SPRED2: variants seen among roughly 807,000 people sequenced by gnomAD.
SPRED2 encodes sprouty related EVH1 domain containing 2.
Under a neutral mutation model 43.0 loss-of-function variants are expected in SPRED2, and 47 were observed. That is an observed-to-expected ratio of 1.09 (90% CI 0.87 to 1.40). The LOEUF (loss-of-function observed/expected upper bound fraction) is 1.40, where lower values mean the gene tolerates loss of function less well. SPRED2 is among the 40% of genes most tolerant of loss of function. The pLI is 0.00. For missense variants in SPRED2, 561 were observed against 586.4 expected (o/e 0.96, Z 0.45); for synonymous variants, 225 against 225.7 (o/e 1.00, Z 0.03).
intron 1 of SPRED2, among the ~76,000 whole-genome samples, chr2:65,407,241 G>C (rs1260598077): frequency 4.5e-5 from 2 of 44,710 alleles, no homozygotes; most frequent in Non-Finnish European, 8.7e-5. Context: ...TGGGGCGCTG[G>C]CTCCTTTTTT....
chr2:65,348,696 C>T (rs542712907), intron 1 of SPRED2, among the ~76,000 whole-genome samples: 2 of 151,040 alleles, frequency 1.3e-5, no homozygotes, highest in South Asian at 4.2e-4. Flanking sequence ...CCCAGTTACT[C>T]GGGAGGATGA....
chr2:65,382,492 G>A (rs1026188595), intron 1 of SPRED2, among the ~76,000 whole-genome samples: 9 of 152,180 alleles, frequency 5.9e-5, no homozygotes, highest in Non-Finnish European at 1.2e-4. Flanking sequence ...GAGCCTCTGG[G>A]AATGTACTGG....
intron 1 of SPRED2, among the ~76,000 whole-genome samples, chr2:65,360,556 A>G (rs1237794726): frequency 2.0e-5 from 3 of 152,250 alleles, no homozygotes; most frequent in Non-Finnish European, 2.9e-5. Context: ...TGCTAAGTGA[A>G]ACGTCAGTCA....
At chr2:65,389,406 A>G (rs878998518) in intron 1 of SPRED2, among the ~76,000 whole-genome samples, 2 of 152,174 alleles carry the variant, frequency 1.3e-5, no homozygotes, top group Admixed American at 1.3e-4. Context: ...TGGGGGAGGA[A>G]GGAGGGTGAC....
At chr2:65,386,304 AG>A (rs143706279) in intron 1 of SPRED2, among the ~76,000 whole-genome samples, 42,547 of 114,210 alleles carry the variant, frequency 0.37, 10,482 homozygotes, top group African/African-American at 0.49. Flanking sequence ...AAAAAAAAAA[AG>A]AAAGCACTGG....
chr2:65,344,179 G>C (rs1674273160), intron 2 of SPRED2: 1 of 151,790 alleles, frequency 6.6e-6, no homozygotes, highest in Admixed American at 6.4e-5. Context: ...AACCCACAAA[G>C]TATGATACCA....
chr2:65,392,235 A>T (rs571965720), intron 1 of SPRED2, among the ~76,000 whole-genome samples: 1 of 136,212 alleles, frequency 7.3e-6, no homozygotes, highest in South Asian at 2.2e-4. Flanking sequence ...ACTGGAGTGC[A>T]GTGGTGCAAT....
In SPRED2 at chr2:65,313,188, A is replaced by G; in HGVS notation, c.*313T>C. 9.2e-7 allele frequency: 1 copy of G among 1,082,766 alleles called. No homozygotes were observed. Among genetic ancestry groups the G allele is most frequent in the Non-Finnish European group, 1.1e-6 (1 of 892,670 alleles). The allele number at this position is 1,082,766 out of a possible 1,614,324, so 67.1% of individuals were successfully genotyped here. A position where few individuals can be genotyped will look rare whatever the true frequency, so the allele number is the denominator to read the frequency against. On this transcript the variant is annotated 3_prime_UTR_variant, in exon 6 of 6. Coordinates refer to ENST00000356388, the MANE Select transcript of SPRED2 (RefSeq NM_181784.3). ...CGGGGGAGGAGGAAACAGGAAATCA[A>G]CACATGGATGAGACAGTTAGCTTGG...
chr2:65,318,244 C>T (rs1191020280), intron 4 of SPRED2, among the ~76,000 whole-genome samples: 9 of 152,140 alleles, frequency 5.9e-5, no homozygotes, highest in Non-Finnish European at 7.3e-5. Flanking sequence ...CCCAGCCATG[C>T]GGAACTGTAA....
intron 2 of SPRED2, among the ~76,000 whole-genome samples, chr2:65,335,502 G>A (rs1673938776): frequency 2.6e-5 from 4 of 152,142 alleles, no homozygotes. Flanking sequence ...GAACACCAAT[G>A]TTATCAATGA....
intron 1 of SPRED2, among the ~76,000 whole-genome samples, chr2:65,377,393 T>C (rs1442314366): frequency 6.6e-6 from 1 of 152,180 alleles, no homozygotes; most frequent in Non-Finnish European, 1.5e-5. Flanking sequence ...TAGCACTGGA[T>C]TGGTATTTGT....
At chr2:65,338,551 C>T (rs903334180) in intron 2 of SPRED2, among the ~76,000 whole-genome samples, 1 of 150,848 alleles carries the variant, frequency 6.6e-6, no homozygotes, top group Non-Finnish European at 1.5e-5. Flanking sequence ...CCGCCAGCCT[C>T]GGCCTCCCGA....
At chr2:65,369,351 T>C (rs1317774541) in intron 1 of SPRED2, among the ~76,000 whole-genome samples, 1 of 152,178 alleles carries the variant, frequency 6.6e-6, no homozygotes, top group East Asian at 1.9e-4. Flanking sequence ...GTTCAAGTTT[T>C]TCTAGGCTTG....
intron 2 of SPRED2, among the ~76,000 whole-genome samples, chr2:65,336,675 T>C (rs1327787015): frequency 1.3e-5 from 2 of 152,232 alleles, no homozygotes; most frequent in African/African-American, 2.4e-5. Flanking sequence ...ATAGTCTCAA[T>C]TCAAAGTCTC....
chr2:65,332,011 CTCAGCT>C lies in SPRED2; in HGVS notation c.408_413del (p.Ala137_Glu138del), dbSNP rs1453581556. The C allele has an allele frequency of 1.2e-6, 2 of 1,609,930 alleles. No homozygotes were observed. Among genetic ancestry groups the C allele is most frequent in the Non-Finnish European group, 1.7e-6 (2 of 1,177,702 alleles). On this transcript the variant is annotated inframe_deletion, in exon 4 of 6. Transcript: ENST00000356388. ...CTGTAAAAACGTCATCATCGCCAAG[CTCAGCT>C]TCATTATGGATGGTGGAAGATGACG...
intron 4 of SPRED2, among the ~76,000 whole-genome samples, chr2:65,324,028 G>A (rs558209696): frequency 2.4e-4 from 36 of 151,818 alleles, no homozygotes; most frequent in African/African-American, 8.5e-4. Flanking sequence ...TCAAGCACCA[G>A]GCCTCAGAGC....
intron 1 of SPRED2, among the ~76,000 whole-genome samples, chr2:65,393,924 T>TG (rs1314326048): frequency 6.6e-6 from 1 of 152,116 alleles, no homozygotes; most frequent in Non-Finnish European, 1.5e-5. Flanking sequence ...ACCTAATAGC[T>TG]GGGGGGTCTT....
intron 2 of SPRED2, among the ~76,000 whole-genome samples, chr2:65,339,119 T>G (rs13384624): frequency 0.034 from 1,072 of 31,774 alleles, 2 homozygotes; most frequent in African/African-American, 0.056. Context: ...CAGCGCCCCC[T>G]CCCGGCCAGC....
chr2:65,430,112 G>A (rs555434394), intron 1 of SPRED2, among the ~76,000 whole-genome samples: 2 of 152,224 alleles, frequency 1.3e-5, no homozygotes, highest in African/African-American at 4.8e-5. Context: ...CTGTGTGCAG[G>A]TACAATCGAG....
Sources: gnomAD v4.1 joint callset for allele counts (sites outside exome capture counted in the v4.1 genomes callset) on GRCh38, gnomAD v4.1.1 for gene constraint, MANE v1.5 for transcripts, NCBI Gene and HGNC (gene_info 2026-07-23, HGNC 2026-07-21) for gene names.